The following SDHA variants were observed in gnomAD, a reference collection of about 807,000 sequenced individuals.
SDHA encodes the protein succinate dehydrogenase complex flavoprotein subunit A.
Under a neutral mutation model 78.4 loss-of-function variants are expected in SDHA, and 48 were observed. The ratio of observed to expected loss-of-function variants is 0.61; its 90% confidence interval spans 0.49 to 0.78. The LOEUF is 0.78. SDHA is among the 30% of genes least tolerant of loss of function. SDHA has a pLI of 0.00. For synonymous variants in SDHA, 326 were observed against 353.9 expected, an observed-to-expected ratio of 0.92 and a Z score of 0.88; for missense variants, 680 against 892.7, an observed-to-expected ratio of 0.76 and a Z score of 3.04.
chr5:218,911 G>A (rs1424489138), intron 1 of SDHA, among the ~76,000 whole-genome samples: 2 of 152,210 alleles, frequency 1.3e-5, no homozygotes, highest in East Asian at 3.9e-4. Context: ...GGGTGAGACC[G>A]CCCGGGTGGG....
the SDHA span, among the ~76,000 whole-genome samples, chr5:265,447 G>A: frequency 1.4e-4 from 22 of 152,252 alleles, no homozygotes; most frequent in African/African-American, 5.3e-4. Context: ...GGTCACTCTT[G>A]GAGGTACCTA....
chr5:252,597 T>C (rs112346029), intron 13 of SDHA, among the ~76,000 whole-genome samples: 294 of 99,768 alleles, frequency 2.9e-3, no homozygotes, highest in African/African-American at 7.2e-3. Flanking sequence ...TTTAAGCCTG[T>C]CCTGTGGAGG....
chr5:252,150 C>G (rs577507621), intron 13 of SDHA, among the ~76,000 whole-genome samples: 1 of 145,804 alleles, frequency 6.9e-6, no homozygotes, highest in South Asian at 2.2e-4. Context: ...TGTTTCAAAC[C>G]TGTCCTGTGG....
rs1412623947 is a variant in SDHA, at chr5:233,535, C to T, written c.954C>T (p.Leu318=). 4 of 1,614,064 alleles carry T rather than the reference C, an allele frequency of 2.5e-6. No homozygotes were observed. Among genetic ancestry groups the T allele is most frequent in the Middle Eastern group, 1.6e-4 (1 of 6,084 alleles). ...GATGTCGTGGAGAGGGAGGCATTCTCATTAACAGTCAAGGCGAAAGGTTTA... is the reference window on the plus strand; with the variant it reads ...GATGTCGTGGAGAGGGAGGCATTCTTATTAACAGTCAAGGCGAAAGGTTTA... ...TEGCRGEGGI[L]INSQGERFME... Residue 318 remains leucine (L), a synonymous_variant, in exon 8 of 15, where the codon CTC becomes CTT. Transcript: ENST00000264932.
chr5:224,572 G>A, intron 3 of SDHA, 51 bp downstream of exon 3: 1 of 1,598,544 alleles, frequency 6.3e-7, no homozygotes, highest in Non-Finnish European at 8.6e-7. Context: ...GTCCCGCGCA[G>A]CCTCGCACTT....
Position 256,960 on chromosome 5 carries a change from A to G in SDHA, c.*540A>G, listed in dbSNP as rs147924015. Among the ~76,000 whole-genome samples, 3 of 151,580 alleles carry G rather than the reference A, an allele frequency of 2.0e-5. No individual in the cohort carries two copies. The highest frequency in any genetic ancestry group is 4.9e-5 in the African/African-American group (2 of 41,236). ...GTTGGGGCTACAGGTGTGCACCACC[A>G]TGCCCAGCTCATTTATTTTGTAATT... On this transcript the variant is annotated 3_prime_UTR_variant, in exon 15 of 15. Transcript: ENST00000264932.
chr5:232,214 T>G (rs1735450593), intron 7 of SDHA, among the ~76,000 whole-genome samples: 1 of 152,138 alleles, frequency 6.6e-6, no homozygotes, highest in Admixed American at 6.5e-5. Flanking sequence ...GTAGTGTTTT[T>G]TTTTTATTTG....
rs1440702798 is a variant in SDHA at position 219,551 on chromosome 5, G to A, written c.63+1133G>A. Among the ~76,000 whole-genome samples the A allele has an allele frequency of 2.0e-5, 3 of 152,276 alleles. No individual in the cohort carries two copies. In the East Asian group the frequency reaches 5.8e-4, roughly 29 times the overall value. On this transcript the variant is annotated intron_variant, in intron 1 of 14. Coordinates refer to ENST00000264932, the MANE Select transcript of SDHA (RefSeq NM_004168.4). ...AAAAATCTCGTTGAGTTAAATGTGA[G>A]GATTAGTCATACAGCCATCCTGCCA...
chr5:252,417 C>T (rs111956353), intron 13 of SDHA, among the ~76,000 whole-genome samples: 22 of 127,986 alleles, frequency 1.7e-4, no homozygotes, highest in East Asian at 4.4e-4. Context: ...AACGAGTAAG[C>T]CACCGTTTCA....
chr5:253,197 A>G (rs1736966374), intron 13 of SDHA: 1 of 152,230 alleles, frequency 6.6e-6, no homozygotes, highest in African/African-American at 2.4e-5. Flanking sequence ...AGGCAGGCGC[A>G]CAGGCTGGTT....
intron 1 of SDHA, among the ~76,000 whole-genome samples, chr5:222,291 G>T (rs1422855689): frequency 2.6e-5 from 4 of 151,528 alleles, no homozygotes; most frequent in Non-Finnish European, 5.9e-5. Flanking sequence ...AATACTTGAA[G>T]ACATTCCTCA....
intron 3 of SDHA, chr5:224,963 C>T (rs966333292): frequency 3.0e-6 from 1 of 334,836 alleles, no homozygotes; most frequent in African/African-American, 2.1e-5. Flanking sequence ...AGCTGGGGTA[C>T]AGGGGAGTGC....
intron 7 of SDHA, among the ~76,000 whole-genome samples, chr5:231,282 G>A (rs879809123): frequency 3.3e-5 from 5 of 151,996 alleles, no homozygotes; most frequent in Non-Finnish European, 5.9e-5. Flanking sequence ...GATTGAGGCC[G>A]AGCACAGTGG....
chr5:251,490 A>G (rs1579439469), intron 13 of SDHA, 22 bp downstream of exon 13: 1 of 1,613,662 alleles, frequency 6.2e-7, no homozygotes, highest in Non-Finnish European at 8.5e-7. Context: ...CACCACGCCC[A>G]CCTGCACCTG....
At chr5:258,064 CTG>C (rs1400227033), downstream of SDHA, among the ~76,000 whole-genome samples, 4 of 9,580 alleles carry the variant, frequency 4.2e-4, no homozygotes, top group Non-Finnish European at 8.1e-4. Flanking sequence ...CAGAGCATTA[CTG>C]TGTGAGCTCC....
chr5:265,303 T>C, the SDHA span, among the ~76,000 whole-genome samples: 1 of 152,352 alleles, frequency 6.6e-6, no homozygotes, highest in East Asian at 1.9e-4. Context: ...TCCTTTCACA[T>C]AGACACATTT....
chr5:245,466 T>TC (rs1736387043), intron 11 of SDHA, among the ~76,000 whole-genome samples: 1 of 152,226 alleles, frequency 6.6e-6, no homozygotes, highest in South Asian at 2.1e-4. Context: ...TGTTAAACAG[T>TC]CCAACGATTT....
chr5:235,493 A>G (rs10058428), intron 9 of SDHA, 154 bp downstream of exon 9: 120,357 of 777,354 alleles, frequency 0.15, 14,541 homozygotes, highest in African/African-American at 0.53. Context: ...AATTTCTATT[A>G]CCGGAGGATG....
At chr5:250,916 G>A in intron 11 of SDHA, 76 bp from the exon 12 acceptor site, 1 of 1,205,022 alleles carries the variant, frequency 8.3e-7, no homozygotes, top group Non-Finnish European at 1.2e-6. Flanking sequence ...CAAAACAACA[G>A]GTCTAAAAGT....
Sources: gnomAD v4.1 joint callset for allele counts (sites outside exome capture counted in the v4.1 genomes callset) on GRCh38, gnomAD v4.1.1 for gene constraint, MANE v1.5 for transcripts, NCBI Gene and HGNC (gene_info 2026-07-23, HGNC 2026-07-21) for gene names.